PEBP4: variants seen among roughly 807,000 people sequenced by gnomAD.
PEBP4 encodes the protein phosphatidylethanolamine binding protein 4.
A neutral mutation model predicts 23.9 loss-of-function variants in PEBP4; 22 were observed. That is an observed-to-expected ratio of 0.92 (90% CI 0.66 to 1.31). PEBP4 has a LOEUF of 1.31. Among genes scored for constraint, PEBP4 ranks in the 40% most tolerant of loss-of-function variants. PEBP4 has a pLI of 0.00. For synonymous variants in PEBP4, 112 were observed against 99.3 expected (o/e 1.13, Z -0.76); for missense variants, 324 against 281.7 (o/e 1.15, Z -1.07).
chr8:22,742,128 C>T (rs1805007940), intron 4 of PEBP4, among the ~76,000 whole-genome samples: 1 of 152,210 alleles, frequency 6.6e-6, no homozygotes, highest in Non-Finnish European at 1.5e-5. Context: ...ACACCAGGCC[C>T]ACCCCTAGGC....
At chr8:22,784,501 C>G (rs946529293) in intron 4 of PEBP4, among the ~76,000 whole-genome samples, 1 of 152,238 alleles carries the variant, frequency 6.6e-6, no homozygotes, top group African/African-American at 2.4e-5. Context: ...TCTGGCCCTG[C>G]TGCCAGTGAC....
chr8:22,835,235 A>C (rs1807177302), intron 3 of PEBP4, among the ~76,000 whole-genome samples: 1 of 152,270 alleles, frequency 6.6e-6, no homozygotes, highest in South Asian at 2.1e-4. Context: ...TATTCTAAAA[A>C]TAAAATGAGT....
intron 3 of PEBP4, among the ~76,000 whole-genome samples, chr8:22,842,877 G>A (rs1407390152): frequency 1.3e-5 from 2 of 152,116 alleles, no homozygotes; most frequent in African/African-American, 4.8e-5. Context: ...GCCCAGGCTG[G>A]AGTGCAGTGG....
At chr8:22,850,155 G>A (rs1258588303) in intron 3 of PEBP4, among the ~76,000 whole-genome samples, 1 of 151,944 alleles carries the variant, frequency 6.6e-6, no homozygotes, top group African/African-American at 2.4e-5. Flanking sequence ...AATAAATAAT[G>A]GGCTTGAGGA....
intron 3 of PEBP4, among the ~76,000 whole-genome samples, chr8:22,818,130 G>A (rs143769422): frequency 6.6e-6 from 1 of 152,186 alleles, no homozygotes; most frequent in African/African-American, 2.4e-5. Context: ...AATATATGAG[G>A]ACTTATTTTG....
intron 4 of PEBP4, among the ~76,000 whole-genome samples, chr8:22,812,169 G>A (rs1806644568): frequency 6.6e-6 from 1 of 152,176 alleles, no homozygotes; most frequent in Non-Finnish European, 1.5e-5. Context: ...GTCTCAGAGA[G>A]GTCAAACAAC....
chr8:22,762,101 A>C (rs1195877199), intron 4 of PEBP4, among the ~76,000 whole-genome samples: 1 of 152,146 alleles, frequency 6.6e-6, no homozygotes, highest in Non-Finnish European at 1.5e-5. Flanking sequence ...CAGAAAAAAA[A>C]ATCACAATTT....
rs55951654 is a variant in PEBP4, at chr8:22,904,177, G to A, written c.258+16007C>T. 9.9e-3 allele frequency among the ~76,000 whole-genome samples: 1,514 copies of A among 152,168 alleles called. 21 individuals are homozygous for A. The highest frequency in any genetic ancestry group is 0.034 in the African/African-American group (1,421 of 41,532). On this transcript the variant is annotated intron_variant, in intron 3 of 6. Transcript: ENST00000256404. ...TTAGAGAAGCAGCAGGCTGCTTCCCGGCTCCCTGGCTGATCTGCACACGAG... is the reference window on the plus strand; with the variant it reads ...TTAGAGAAGCAGCAGGCTGCTTCCCAGCTCCCTGGCTGATCTGCACACGAG...
intron 3 of PEBP4, among the ~76,000 whole-genome samples, chr8:22,892,431 T>C (rs1808513200): frequency 2.0e-5 from 3 of 152,220 alleles, no homozygotes. Flanking sequence ...TAGGCCAGTT[T>C]GGTGGCTTCA....
At chr8:22,902,117 G>C (rs191304502) in intron 3 of PEBP4, among the ~76,000 whole-genome samples, 2 of 152,274 alleles carry the variant, frequency 1.3e-5, no homozygotes, top group East Asian at 3.9e-4. Context: ...TTAGGAGTTT[G>C]AGACCAGCCT....
At chr8:22,802,579 G>A (rs997430128) in intron 4 of PEBP4, among the ~76,000 whole-genome samples, 7 of 152,228 alleles carry the variant, frequency 4.6e-5, no homozygotes, top group Non-Finnish European at 1.0e-4. Flanking sequence ...TAGAGAAGTA[G>A]GTTCCCAGGC....
rs1222993353 is a variant in PEBP4, at chr8:22,927,495, G to C, written c.131+89C>G. 3 of 1,441,500 alleles carry C rather than the reference G, an allele frequency of 2.1e-6. No homozygotes were observed. The Admixed American group carries it at 7.2e-5, about 34-fold the overall frequency. The allele number at this position is 1,441,500 out of a possible 1,614,324, so 89.3% of individuals were successfully genotyped here. A position where few individuals can be genotyped will look rare whatever the true frequency, so the allele number is the denominator to read the frequency against. ...CCCATAAAATCAGGCTCAGGAGATG[G>C]TGCTTCTTGGTTCTGGATATACCCC... On this transcript the variant is annotated intron_variant, in intron 2 of 6. Coordinates refer to ENST00000256404, the MANE Select transcript of PEBP4 (RefSeq NM_144962.3).
intron 4 of PEBP4, among the ~76,000 whole-genome samples, chr8:22,807,806 TATCC>T (rs970387238): frequency 6.6e-6 from 1 of 151,920 alleles, no homozygotes; most frequent in Non-Finnish European, 1.5e-5. Flanking sequence ...TCCATCCATT[TATCC>T]ATCCATCCAT....
chr8:22,924,974 G>C (rs2128781560), intron 2 of PEBP4: 1 of 985,384 alleles, frequency 1.0e-6, no homozygotes, highest in East Asian at 1.1e-4. Flanking sequence ...TTCCCTGGTA[G>C]ACCAAATGCC....
chr8:22,793,433 AT>A (rs11315221), intron 4 of PEBP4, among the ~76,000 whole-genome samples: 64,387 of 120,184 alleles, frequency 0.54, 15,247 homozygotes, highest in East Asian at 0.61. Context: ...CGCCCAGCTC[AT>A]TTTTTTTTTT....
chr8:22,871,214 G>A (rs1009195544), intron 3 of PEBP4, among the ~76,000 whole-genome samples: 2 of 152,076 alleles, frequency 1.3e-5, no homozygotes, highest in Non-Finnish European at 1.5e-5. Flanking sequence ...GTCTAGAAGC[G>A]AACATCAAAC....
intron 4 of PEBP4, among the ~76,000 whole-genome samples, chr8:22,742,338 G>A (rs1805014092): frequency 6.6e-6 from 1 of 152,210 alleles, no homozygotes; most frequent in Non-Finnish European, 1.5e-5. Context: ...TCGATGGCCT[G>A]CACCAGCGGG....
chr8:22,804,798 C>T (rs1806462198), intron 4 of PEBP4, among the ~76,000 whole-genome samples: 1 of 152,158 alleles, frequency 6.6e-6, no homozygotes, highest in Non-Finnish European at 1.5e-5. Context: ...TCCATCCTTC[C>T]TGGTCTCCCT....
At position 22,728,559 on chromosome 8, in the gene PEBP4, TCTTCCTTCCTTCCTTC is replaced by T. The variant is rs3029509; in HGVS notation, c.358-1355_358-1340del. On this transcript the variant is annotated intron_variant, in intron 4 of 6. Transcript: ENST00000256404. ...TTCTTCCTTCCTTTCTTTCTTTCTT[TCTTCCTTCCTTCCTTC>T]CTTCCTTCCTTCCTTCCTTCCTTCC... Among the ~76,000 whole-genome samples the T allele has an allele frequency of 8.1e-3, 784 of 96,326 alleles. 7 individuals carry two copies. The highest frequency in any genetic ancestry group is 0.021 in the East Asian group (83 of 3,930). 63.2% of individuals were successfully genotyped at this position (96,326 alleles called of 152,430 possible).
Sources: allele counts gnomAD v4.1 joint callset (sites outside exome capture counted in the v4.1 genomes callset), GRCh38; gene constraint gnomAD v4.1.1; transcripts MANE v1.5; gene names NCBI Gene and HGNC (gene_info 2026-07-23, HGNC 2026-07-21).